ATP8B4: variants seen among roughly 807,000 people sequenced by gnomAD.
ATP8B4 encodes ATPase phospholipid transporting 8B4 (putative).
A neutral mutation model predicts 145.6 loss-of-function variants in ATP8B4; 133 were observed. The observed-to-expected ratio is 0.91, with a 90% confidence interval of 0.79 to 1.05. The LOEUF (loss-of-function observed/expected upper bound fraction) is 1.05. Ranked by LOEUF, ATP8B4 falls within the 50% of genes least tolerant of loss-of-function variation. The pLI is 0.00. For synonymous variants in ATP8B4, 507 were observed against 492.9 expected (o/e 1.03, Z -0.38); for missense variants, 1,458 against 1,425.2 (o/e 1.02, Z -0.37).
chr15:49,868,069 A>G (rs2033100562), intron 25 of ATP8B4, among the ~76,000 whole-genome samples: 1 of 152,214 alleles, frequency 6.6e-6, no homozygotes, highest in Non-Finnish European at 1.5e-5. Flanking sequence ...GAAAAGTAAC[A>G]ATCAAAGAAA....
At chr15:50,078,509 C>T (rs1016286880) in intron 2 of ATP8B4, among the ~76,000 whole-genome samples, 1 of 150,490 alleles carries the variant, frequency 6.6e-6, no homozygotes, top group Admixed American at 6.6e-5. Context: ...ATAAATCTCA[C>T]AAAATATATA....
chr15:50,167,102 CT>C (rs1339812245), intron 1 of ATP8B4, among the ~76,000 whole-genome samples: 2 of 152,140 alleles, frequency 1.3e-5, no homozygotes, highest in Non-Finnish European at 2.9e-5. Context: ...GGTCCTTGTA[CT>C]TTTTTCTATT....
At chr15:50,146,074 G>A (rs923125078) in intron 1 of ATP8B4, among the ~76,000 whole-genome samples, 19 of 147,822 alleles carry the variant, frequency 1.3e-4, no homozygotes, top group African/African-American at 3.8e-4. Context: ...GTGCAGGAGC[G>A]CGATCTCGGG....
At chr15:50,120,185 A>T (rs2057253032), upstream of ATP8B4, among the ~76,000 whole-genome samples, 1 of 152,090 alleles carries the variant, frequency 6.6e-6, no homozygotes, top group African/African-American at 2.4e-5. Flanking sequence ...CCTGCGCACC[A>T]TCAACTCCAC....
At chr15:50,138,363 T>TAGATAGACAGAC (rs2044157866) in intron 1 of ATP8B4, among the ~76,000 whole-genome samples, 1 of 97,700 alleles carries the variant, frequency 1.0e-5, no homozygotes, top group African/African-American at 3.0e-5. Context: ...GATAGATAGA[T>TAGATAGACAGAC]AGATAGATAG....
rs1351319576 is a variant in ATP8B4 at position 49,931,184 on chromosome 15, A to G, written c.1577T>C (p.Leu526Pro). 3.7e-6 allele frequency: 6 copies of G among 1,612,478 alleles called. No homozygotes were observed. Among genetic ancestry groups the G allele is most frequent in the Admixed American group, 1.7e-5 (1 of 59,862 alleles). Residue 526 changes from leucine to proline, a missense_variant, in exon 16 of 28, where the codon CTA becomes CCA. Coordinates refer to ENST00000284509, the MANE Select transcript of ATP8B4 (RefSeq NM_024837.4). ...ETITIEELGT[L>P]VTYQLLAFLD... ...AAAGGCAAGTAATTGATAAGTAACTAGTGTTCCCAATTCTTCTATTGTTAT... is the reference window on the plus strand; with the variant it reads ...AAAGGCAAGTAATTGATAAGTAACTGGTGTTCCCAATTCTTCTATTGTTAT...
At chr15:49,884,169 G>A (rs1174375290) in intron 23 of ATP8B4, among the ~76,000 whole-genome samples, 2 of 151,878 alleles carry the variant, frequency 1.3e-5, no homozygotes, top group Non-Finnish European at 2.9e-5. Context: ...AATAAATATT[G>A]ATAGTGGGGT....
At chr15:50,068,786 C>G (rs537418097) in intron 3 of ATP8B4, among the ~76,000 whole-genome samples, 22 of 152,286 alleles carry the variant, frequency 1.4e-4, no homozygotes, top group African/African-American at 5.3e-4. Flanking sequence ...GCCTATGTGA[C>G]AGAGAGTGAG....
intron 3 of ATP8B4, among the ~76,000 whole-genome samples, chr15:50,059,901 C>T (rs1484087591): frequency 6.6e-6 from 1 of 152,132 alleles, no homozygotes; most frequent in Non-Finnish European, 1.5e-5. Flanking sequence ...GGTCTGTGGC[C>T]TGAGCCCTTT....
At chr15:49,865,955 G>T (rs1270915141) in intron 26 of ATP8B4, among the ~76,000 whole-genome samples, 1 of 152,202 alleles carries the variant, frequency 6.6e-6, no homozygotes, top group Non-Finnish European at 1.5e-5. Flanking sequence ...TTCTATGGGT[G>T]AATTTTGGCA....
chr15:50,069,881 T>C (rs2053616471), intron 3 of ATP8B4, among the ~76,000 whole-genome samples: 2 of 152,202 alleles, frequency 1.3e-5, no homozygotes, highest in Non-Finnish European at 2.9e-5. Flanking sequence ...GCAAGTTTTG[T>C]GGAAGCCTGA....
chr15:49,894,623 G>T lies in ATP8B4; in HGVS notation c.2697+2669C>A, dbSNP rs573906882. ...AATATTAACACAACTGAGAAAAACA[G>T]CATTCCATATTCTGAAATCAGTTCC... On this transcript the variant is annotated intron_variant, in intron 23 of 27. Coordinates refer to ENST00000284509, the MANE Select transcript of ATP8B4 (RefSeq NM_024837.4). 6.6e-5 allele frequency among the ~76,000 whole-genome samples: 10 copies of T among 152,258 alleles called. No homozygotes were observed. In the East Asian group the frequency reaches 1.9e-3, roughly 29 times the overall value.
At chr15:50,078,914 TG>T (rs1259319883) in intron 2 of ATP8B4, among the ~76,000 whole-genome samples, 1 of 152,026 alleles carries the variant, frequency 6.6e-6, no homozygotes. Context: ...AATAATCAAG[TG>T]TGAAGGGGAA....
intron 1 of ATP8B4, among the ~76,000 whole-genome samples, chr15:50,145,934 A>G (rs8038363): frequency 0.088 from 13,433 of 152,162 alleles, 724 homozygotes; most frequent in African/African-American, 0.14. Context: ...GATGAAAATG[A>G]ATGAGAAAGA....
rs1420950942 is a variant in ATP8B4 at position 49,860,302 on chromosome 15, T to A, written c.3471A>T (p.Ser1157=). ...NMRAKNPPPT[S]GLEKTHYNST... ...TATTATAATGTGTCTTTTCCAGCCCTGATGTTGGGGGTGGATTTTTAGCTC... is the reference window on the plus strand; with the variant it reads ...TATTATAATGTGTCTTTTCCAGCCCAGATGTTGGGGGTGGATTTTTAGCTC... Residue 1157 remains serine (S), a synonymous_variant, in exon 28 of 28, where the codon TCA becomes TCT. Coordinates refer to ENST00000284509, the MANE Select transcript of ATP8B4 (RefSeq NM_024837.4). 6.2e-7 allele frequency: 1 copy of A among 1,614,044 alleles called. No individual in the cohort carries two copies. Among genetic ancestry groups the A allele is most frequent in the African/African-American group, 1.3e-5 (1 of 74,940 alleles).
At chr15:49,891,075 G>A (rs1598945421) in intron 23 of ATP8B4, among the ~76,000 whole-genome samples, 1 of 152,234 alleles carries the variant, frequency 6.6e-6, no homozygotes, top group Non-Finnish European at 1.5e-5. Flanking sequence ...CAGTTGGAAA[G>A]TGTATGAGGG....
chr15:49,867,417 G>T (rs549209435), intron 25 of ATP8B4, among the ~76,000 whole-genome samples: 3 of 152,214 alleles, frequency 2.0e-5, no homozygotes, highest in South Asian at 2.1e-4. Flanking sequence ...AATGATGCTG[G>T]CAGCCTTTGA....
chr15:50,021,464 T>G (rs1332942256), intron 6 of ATP8B4, among the ~76,000 whole-genome samples: 3 of 152,208 alleles, frequency 2.0e-5, no homozygotes, highest in African/African-American at 7.2e-5. Context: ...CACAATACTC[T>G]AGCCACAGTA....
chr15:49,912,498 A>C (rs2039333216), intron 20 of ATP8B4, among the ~76,000 whole-genome samples: 2 of 152,166 alleles, frequency 1.3e-5, no homozygotes, highest in Non-Finnish European at 2.9e-5. Flanking sequence ...AACATACCAA[A>C]AGCCAATAAT....
Sources: allele counts gnomAD v4.1 joint callset (sites outside exome capture counted in the v4.1 genomes callset), GRCh38; gene constraint gnomAD v4.1.1; transcripts MANE v1.5; gene names NCBI Gene and HGNC (gene_info 2026-07-23, HGNC 2026-07-21).